The following ATP1A3 variants were observed in gnomAD, a reference collection of about 807,000 sequenced individuals.
The protein encoded by ATP1A3 is sodium/potassium-transporting ATPase subunit alpha-3.
Under a neutral mutation model 108.8 loss-of-function variants are expected in ATP1A3, and 12 were observed. That is an observed-to-expected ratio of 0.11 (90% CI 0.07 to 0.18). The LOEUF (loss-of-function observed/expected upper bound fraction) is 0.18, where lower values mean the gene tolerates loss of function less well. Ranked by LOEUF, ATP1A3 falls within the 10% of genes least tolerant of loss-of-function variation. The probability of loss-of-function intolerance (pLI) is 1.00; values close to 1 mark genes in which losing one functional copy is unlikely to be tolerated. For synonymous variants in ATP1A3, 539 were observed against 564.5 expected (o/e 0.95, Z 0.64); for missense variants, 498 against 1,387.7 (o/e 0.36, Z 10.19).
At chr19:41,990,432 CCTCT>C (rs1242353850) in intron 1 of ATP1A3, among the ~76,000 whole-genome samples, 1 of 118,366 alleles carries the variant, frequency 8.4e-6, no homozygotes, top group South Asian at 3.3e-4. Context: ...TCTCTCTCTC[CCTCT>C]CTCTGTCTCT....
intron 1 of ATP1A3, 32 bp downstream of exon 1, chr19:41,994,039 C>T (rs2075364807): frequency 6.2e-7 from 1 of 1,609,246 alleles, no homozygotes; most frequent in Non-Finnish European, 8.5e-7. Flanking sequence ...CAATGTCACA[C>T]GGAAGCGGCG....
At chr19:41,975,556 G>A in intron 16 of ATP1A3, 73 bp downstream of exon 16, 1 of 1,597,704 alleles carries the variant, frequency 6.3e-7, no homozygotes, top group South Asian at 1.1e-5. Flanking sequence ...CTGCAGCCCT[G>A]GCCAGTTCCC....
chr19:41,984,722 G>C, intron 8 of ATP1A3, 196 bp downstream of exon 8: 1 of 627,058 alleles, frequency 1.6e-6, no homozygotes, highest in Non-Finnish European at 2.7e-6. Flanking sequence ...CAAGAATACT[G>C]TGATCCAGGC....
chr19:41,982,400 C>A (rs1178564371), intron 8 of ATP1A3, among the ~76,000 whole-genome samples: 2 of 152,048 alleles, frequency 1.3e-5, no homozygotes, highest in African/African-American at 4.8e-5. Flanking sequence ...CCGAGGTAGG[C>A]GCATCACTTG....
Position 41,981,324 on chromosome 19 carries a change from G to A in ATP1A3, c.1437+178C>T, listed in dbSNP as rs548938878. On this transcript the variant is annotated intron_variant, in intron 11 of 22. Coordinates refer to ENST00000648268, the MANE Select transcript of ATP1A3 (RefSeq NM_152296.5). This position sits in a 1 kb window ranked among gnomAD's most constrained non-coding sequence, Gnocchi z 5.0. ...TGCAGGAAGATCTTTACTCCTCAGC[G>A]TCTCACTCCAACAGAGATCCGGCTC... Among the ~76,000 whole-genome samples the A allele has an allele frequency of 2.0e-5, 3 of 151,888 alleles. No homozygotes were observed. Among genetic ancestry groups the A allele is most frequent in the East Asian group, 1.9e-4 (1 of 5,168 alleles).
chr19:41,988,367 T>A lies in ATP1A3; in HGVS notation c.104A>T (p.Lys35Met), dbSNP rs1168671489. Residue 35 changes from lysine (K) to methionine (M), a missense_variant, in exon 3 of 23, where the codon AAG (lysine) becomes ATG (methionine). Lys to Met is a moderately conservative substitution (Grantham distance 95). Around this residue, in one of 9 missense-constraint regions of ATP1A3, gnomAD observed 41 missense variants for 59.7 expected, o/e 0.69. Coordinates refer to ENST00000648268, the MANE Select transcript of ATP1A3 (RefSeq NM_152296.5). The surrounding 1 kb of genome is among the most constrained non-coding windows in gnomAD (Gnocchi z 5.3). ...LKKEVAMTEH[K>M]MSVEEVCRKY... ...CCGGCAGACCTCTTCCACTGACATC[T>A]TGTGCTCTGTCTGAGGAACAGGAGT... 6.2e-7 allele frequency: 1 copy of A among 1,614,034 alleles called. No individual in the cohort carries two copies. The highest frequency in any genetic ancestry group is 1.3e-5 in the African/African-American group (1 of 74,916).
At position 41,968,453 on chromosome 19, in the gene ATP1A3, G is replaced by A. The variant is rs1296494367; in HGVS notation, c.2819+332C>T. On this transcript the variant is annotated intron_variant, in intron 20 of 22. Transcript: ENST00000648268. The surrounding 1 kb of genome is among the most constrained non-coding windows in gnomAD (Gnocchi z 5.0). ...GAACCCGGGAGGCGGAGGTTGCAGTGAGCCAAGATTGTGCCACTGCACTCC... is the reference window on the plus strand; with the variant it reads ...GAACCCGGGAGGCGGAGGTTGCAGTAAGCCAAGATTGTGCCACTGCACTCC... Among the ~76,000 whole-genome samples the A allele has an allele frequency of 6.6e-6, 1 of 152,110 alleles. No individual in the cohort carries two copies. Among genetic ancestry groups the A allele is most frequent in the Non-Finnish European group, 1.5e-5 (1 of 68,014 alleles).
In ATP1A3 at chr19:41,978,482, T is replaced by TCCA; in HGVS notation, c.1630+123_1630+124insTGG. 1 of 1,443,918 alleles carries TCCA rather than the reference T, an allele frequency of 6.9e-7. No homozygotes were observed. The highest frequency in any genetic ancestry group is 9.6e-7 in the Non-Finnish European group (1 of 1,046,838). The allele number at this position is 1,443,918 out of a possible 1,614,324, so 89.4% of individuals were successfully genotyped here. A position where few individuals can be genotyped will look rare whatever the true frequency, so the allele number is the denominator to read the frequency against. ...GATACCTTCCCCTCTCATCCATCCA[T>TCCA]TCATTCATTCATTCATTCATTTACA... On this transcript the variant is annotated intron_variant, in intron 12 of 22. Transcript: ENST00000648268. This position sits in a 1 kb window ranked among gnomAD's most constrained non-coding sequence, Gnocchi z 8.3.
chr19:41,975,244 G>A (rs2075153718), intron 16 of ATP1A3, among the ~76,000 whole-genome samples: 1 of 152,152 alleles, frequency 6.6e-6, no homozygotes, highest in Non-Finnish European at 1.5e-5. Flanking sequence ...GTAGAGACGG[G>A]GTTTCACCAT....
intron 15 of ATP1A3, 92 bp downstream of exon 15, chr19:41,976,324 C>A: frequency 6.4e-7 from 1 of 1,556,300 alleles, no homozygotes. Flanking sequence ...CCCCCAGCCC[C>A]TCCTCCCTCA....
rs2075058062 is a variant in ATP1A3, at chr19:41,967,630, G to A, written c.2921+32C>T. Reference sequence around the variant, plus strand: ...GGAAGGCTCCATGGCAGGCGCTGGTGTGGGCAGGGCTGGGGGCAGCGGGGC... The same window carrying A: ...GGAAGGCTCCATGGCAGGCGCTGGTATGGGCAGGGCTGGGGGCAGCGGGGC... On this transcript the variant is annotated intron_variant, in intron 21 of 22. Transcript: ENST00000648268. This position sits in a 1 kb window ranked among gnomAD's most constrained non-coding sequence, Gnocchi z 4.2. 6.2e-7 allele frequency: 1 copy of A among 1,606,904 alleles called. No homozygotes were observed. Among genetic ancestry groups the A allele is most frequent in the Admixed American group, 1.7e-5 (1 of 59,546 alleles).
In ATP1A3 at chr19:41,975,817, GGAT is replaced by G. The variant is rs1568858416; in HGVS notation, c.2095-23_2095-21del. ...TGCACCCTGGAGGGAGAGAGGGTAA[GGAT>G]GACACCCAGAGGCCAGTCCCCAGAG... On this transcript the variant is annotated intron_variant, in intron 15 of 22. Transcript: ENST00000648268. 1.2e-5 allele frequency: 19 copies of G among 1,613,910 alleles called. No homozygotes were observed. The highest frequency in any genetic ancestry group is 1.6e-5 in the Non-Finnish European group (19 of 1,179,928).
chr19:41,970,567 A>C (rs782109198), intron 16 of ATP1A3, 25 bp from the exon 17 acceptor site: 1 of 1,609,916 alleles, frequency 6.2e-7, no homozygotes, highest in Admixed American at 1.7e-5. Context: ...GGCTCAGAGC[A>C]GGCGCCCATG....
chr19:41,994,159 C>G lies in ATP1A3; in HGVS notation c.-83G>C, dbSNP rs1478321513. The stretch of plus-strand genomic sequence containing the variant: ...TCAGGCTCAGGCTTGGGCTGGGAGC[C>G]TCTGCAGCGCCCGCGCCTCGGTAGG... On this transcript the variant is annotated 5_prime_UTR_variant, in exon 1 of 23. Coordinates refer to ENST00000648268, the MANE Select transcript of ATP1A3 (RefSeq NM_152296.5). The G allele has an allele frequency of 4.4e-6, 6 of 1,352,636 alleles. No individual in the cohort carries two copies. The East Asian group carries it at 1.5e-4, about 33-fold the overall frequency. 83.8% of individuals were successfully genotyped at this position (1,352,636 alleles called of 1,614,324 possible).
At position 41,981,770 on chromosome 19, in the gene ATP1A3, G is replaced by A. The variant is rs782050795; in HGVS notation, c.1254C>T (p.Cys418=). Residue 418 remains cysteine (C), a synonymous_variant, in exon 10 of 23, where the codon TGC becomes TGT. Transcript: ENST00000648268. The surrounding 1 kb of genome is among the most constrained non-coding windows in gnomAD (Gnocchi z 5.0). ...WVALSHIAGL[C]NRAVFKGGQD... Reference sequence around the variant, plus strand: ...GACCACCCTTGAAGACAGCGCGATTGCAGAGCCCAGCGATGTGAGACAGGG... The same window carrying A: ...GACCACCCTTGAAGACAGCGCGATTACAGAGCCCAGCGATGTGAGACAGGG... 2 of 1,614,226 alleles carry A rather than the reference G, an allele frequency of 1.2e-6. No homozygotes were observed. The highest frequency in any genetic ancestry group is 2.2e-5 in the South Asian group (2 of 91,086).
intron 8 of ATP1A3, among the ~76,000 whole-genome samples, chr19:41,983,314 G>T (rs1555864120): frequency 6.6e-6 from 1 of 151,922 alleles, no homozygotes. Flanking sequence ...CTGACCTCAA[G>T]TGATCCACCC....
intron 1 of ATP1A3, among the ~76,000 whole-genome samples, chr19:41,991,599 G>C (rs1555867411): frequency 6.6e-6 from 1 of 152,178 alleles, no homozygotes; most frequent in African/African-American, 2.4e-5. Flanking sequence ...GGGGTGAGAT[G>C]GGGGTCAGGA....
At position 41,993,720 on chromosome 19, in the gene ATP1A3, G is replaced by C. The variant is rs112446548; in HGVS notation, c.6+351C>G. On this transcript the variant is annotated intron_variant, in intron 1 of 22. Transcript: ENST00000648268. ...ACCCAGACGCGATCGCAGACTTTCA[G>C]ACACCACGGGGCCCACACACTCGCT... 790 of 601,398 alleles carry C rather than the reference G, an allele frequency of 1.3e-3. 9 individuals carry two copies. The highest frequency in any genetic ancestry group is 0.013 in the African/African-American group (697 of 53,686). 37.3% of individuals were successfully genotyped at this position (601,398 alleles called of 1,614,324 possible).
chr19:41,978,406 C>G lies in ATP1A3; in HGVS notation c.1631-80G>C. ...CATGCCCCTAGATGTCTGCATCGCCCGCATTCCATCTCCCCATCAGCAAGA... is the reference window on the plus strand; with the variant it reads ...CATGCCCCTAGATGTCTGCATCGCCGGCATTCCATCTCCCCATCAGCAAGA... On this transcript the variant is annotated intron_variant, in intron 12 of 22. Coordinates refer to ENST00000648268, the MANE Select transcript of ATP1A3 (RefSeq NM_152296.5). The surrounding 1 kb of genome is among the most constrained non-coding windows in gnomAD (Gnocchi z 8.3). 1 of 1,515,998 alleles carries G rather than the reference C, an allele frequency of 6.6e-7. No homozygotes were observed. Among genetic ancestry groups the G allele is most frequent in the Non-Finnish European group, 8.9e-7 (1 of 1,120,656 alleles). The allele number at this position is 1,515,998 out of a possible 1,614,324, so 93.9% of individuals were successfully genotyped here.
Sources: gnomAD v4.1 joint callset for allele counts (sites outside exome capture counted in the v4.1 genomes callset) on GRCh38, gnomAD v4.1.1 for gene constraint, gnomAD v4.1.1 regional missense constraint, Gnocchi (gnomAD v3.1) non-coding constraint, MANE v1.5 for transcripts, NCBI Gene and HGNC (gene_info 2026-07-23, HGNC 2026-07-21) for gene names.